Variants in DLG1 observed in about 807,000 individuals in gnomAD.
DLG1 encodes the protein discs large MAGUK scaffold protein 1.
A neutral mutation model predicts 123.4 loss-of-function variants in DLG1; 42 were observed. The ratio of observed to expected loss-of-function variants is 0.34; its 90% CI spans 0.27 to 0.44. The LOEUF (loss-of-function observed/expected upper bound fraction) is 0.44. Ranked by LOEUF, DLG1 falls within the 20% of genes least tolerant of loss-of-function variation. DLG1 has a pLI of 1.00. For synonymous variants in DLG1, 317 were observed against 356.2 expected, an observed-to-expected ratio of 0.89 and a Z score of 1.24; for missense variants, 942 against 1,082.6, an observed-to-expected ratio of 0.87 and a Z score of 1.82.
rs562997915 is a variant in DLG1 at position 197,073,760 on chromosome 3, T to A, written c.2005+2826A>T. Among the ~76,000 whole-genome samples the A allele has an allele frequency of 6.6e-5, 10 of 152,308 alleles. No individual in the cohort carries two copies. In the East Asian group the frequency reaches 1.9e-3, roughly 29 times the overall value. On this transcript the variant is annotated intron_variant, in intron 18 of 24. Transcript: ENST00000667157. ...TTTCTCTGTCTGCTCTTCAATTAAA[T>A]ACCCCATTTTTCATAGGTTGTGTGA...
rs566466991 is a variant in DLG1 at position 197,107,817 on chromosome 3, T to C, written c.1444-2812A>G. Among the ~76,000 whole-genome samples, 63 of 151,662 alleles carry C rather than the reference T, an allele frequency of 4.2e-4. 1 individual carries two copies. The South Asian group carries it at 9.8e-3, about 24-fold the overall frequency. On this transcript the variant is annotated intron_variant, in intron 13 of 24. Transcript: ENST00000667157. ...TATTCTGGTAGCCTTTTTTTTTTTT[T>C]AATCTTGCCTAATTTCTAGAACCTC...
At chr3:197,258,497 G>A (rs762316202) in intron 4 of DLG1, among the ~76,000 whole-genome samples, 2 of 152,140 alleles carry the variant, frequency 1.3e-5, no homozygotes, top group East Asian at 1.9e-4. Flanking sequence ...CTGTACTTAA[G>A]GGTATCCATG....
In DLG1 at chr3:197,138,405, TA is replaced by T. The variant is rs762602327; in HGVS notation, c.714-15del. On this transcript the variant is annotated splice_polypyrimidine_tract_variant and intron_variant, in intron 8 of 24. Coordinates refer to ENST00000667157, the MANE Select transcript of DLG1 (RefSeq NM_001366207.1). ...CAGTCATTGACCCTGAGAAAACAAT[TA>T]AATATTAAAAATAAAAATTAAATAT... 6 of 1,288,508 alleles carry T rather than the reference TA, an allele frequency of 4.7e-6. No individual in the cohort carries two copies. The South Asian group carries it at 1.3e-4, about 28-fold the overall frequency. The allele number at this position is 1,288,508 out of a possible 1,614,324, so 79.8% of individuals were successfully genotyped here.
At chr3:197,119,921 C>T (rs1388842282) in intron 11 of DLG1, among the ~76,000 whole-genome samples, 1 of 152,024 alleles carries the variant, frequency 6.6e-6, no homozygotes, top group African/African-American at 2.4e-5. Flanking sequence ...TTAAATTCAC[C>T]CATAGAAGAA....
intron 23 of DLG1, among the ~76,000 whole-genome samples, chr3:197,056,197 G>A (rs1731563213): frequency 6.6e-6 from 1 of 152,186 alleles, no homozygotes; most frequent in African/African-American, 2.4e-5. Flanking sequence ...TGCCAGTGCA[G>A]TTGTCGTCTG....
At chr3:197,291,963 AAAATT>A (rs1184818659) in intron 3 of DLG1, among the ~76,000 whole-genome samples, 1 of 152,236 alleles carries the variant, frequency 6.6e-6, no homozygotes, top group African/African-American at 2.4e-5. Context: ...AGAAAGGAAA[AAAATT>A]AAGTATCGGC....
intron 4 of DLG1, among the ~76,000 whole-genome samples, chr3:197,278,230 A>G (rs1767453836): frequency 7.2e-6 from 1 of 139,858 alleles, no homozygotes; most frequent in African/African-American, 2.6e-5. Context: ...TTGCAGTGAG[A>G]CGAGATCGTA....
chr3:197,103,125 T>C (rs1764450274), intron 14 of DLG1, among the ~76,000 whole-genome samples: 1 of 152,208 alleles, frequency 6.6e-6, no homozygotes, highest in South Asian at 2.1e-4. Context: ...ACATTCCATA[T>C]TTTAACTCTT....
chr3:197,192,943 A>G (rs993580276), intron 5 of DLG1, among the ~76,000 whole-genome samples: 1 of 152,204 alleles, frequency 6.6e-6, no homozygotes, highest in Admixed American at 6.5e-5. Context: ...TTAGCAGGAT[A>G]TCATAAATAA....
chr3:197,204,513 AC>A (rs1727524831), intron 4 of DLG1, among the ~76,000 whole-genome samples: 1 of 152,246 alleles, frequency 6.6e-6, no homozygotes, highest in Non-Finnish European at 1.5e-5. Flanking sequence ...ATATACATTA[AC>A]TGGGAGCTGG....
intron 4 of DLG1, among the ~76,000 whole-genome samples, chr3:197,230,752 T>G (rs1742506771): frequency 6.6e-6 from 1 of 152,212 alleles, no homozygotes; most frequent in South Asian, 2.1e-4. Flanking sequence ...TGTAAACAAT[T>G]GTAATTCCTA....
chr3:197,203,039 G>A (rs1726626424), intron 4 of DLG1, among the ~76,000 whole-genome samples: 2 of 152,192 alleles, frequency 1.3e-5, no homozygotes, highest in Non-Finnish European at 2.9e-5. Flanking sequence ...TTGGAAGGCT[G>A]AGGAAAGAAG....
At chr3:197,154,589 G>A (rs1795490582) in intron 5 of DLG1, among the ~76,000 whole-genome samples, 1 of 151,676 alleles carries the variant, frequency 6.6e-6, no homozygotes, top group Non-Finnish European at 1.5e-5. Context: ...GCAGGAGAAT[G>A]GCGTGAACCC....
intron 14 of DLG1, among the ~76,000 whole-genome samples, chr3:197,103,846 T>TCA (rs1764882633): frequency 6.6e-6 from 1 of 151,998 alleles, no homozygotes; most frequent in African/African-American, 2.4e-5. Context: ...TCCTTATTCA[T>TCA]CATGTTGTTT....
chr3:197,202,898 C>T (rs558952617), intron 4 of DLG1, among the ~76,000 whole-genome samples: 8 of 151,880 alleles, frequency 5.3e-5, no homozygotes, highest in East Asian at 1.9e-4. Context: ...TGTCAGAGAA[C>T]GATGCAGTCT....
intron 12 of DLG1, among the ~76,000 whole-genome samples, chr3:197,118,934 T>C (rs1178619383): frequency 6.6e-6 from 1 of 151,900 alleles, no homozygotes; most frequent in Non-Finnish European, 1.5e-5. Flanking sequence ...AGTCTAGGAG[T>C]TGGAGGCTGC....
chr3:197,070,934 G>C (rs1393249776), intron 18 of DLG1: 2 of 152,012 alleles, frequency 1.3e-5, no homozygotes, highest in Non-Finnish European at 2.9e-5. Context: ...ACATGGGCTT[G>C]ACAGCAATAA....
intron 4 of DLG1, among the ~76,000 whole-genome samples, chr3:197,198,898 C>T (rs949644281): frequency 2.0e-5 from 3 of 152,120 alleles, no homozygotes; most frequent in Non-Finnish European, 4.4e-5. Flanking sequence ...TATCTTAAGA[C>T]CCAGCAATTT....
intron 4 of DLG1, among the ~76,000 whole-genome samples, chr3:197,249,941 C>T (rs1296584718): frequency 6.6e-6 from 1 of 152,122 alleles, no homozygotes; most frequent in Non-Finnish European, 1.5e-5. Flanking sequence ...ATATAATAAA[C>T]CCACAGCTAA....
Sources: gnomAD v4.1 joint callset for allele counts (sites outside exome capture counted in the v4.1 genomes callset) on GRCh38, gnomAD v4.1.1 for gene constraint, MANE v1.5 for transcripts, NCBI Gene and HGNC (gene_info 2026-07-23, HGNC 2026-07-21) for gene names.